The following ALCAM variants were observed in gnomAD, a reference collection of about 807,000 sequenced individuals.
The protein encoded by ALCAM is activated leukocyte cell adhesion molecule, also known as CD166 antigen.
Under a neutral mutation model 70.9 loss-of-function variants are expected in ALCAM, and 30 were observed. That is an observed-to-expected ratio of 0.42 (90% CI 0.32 to 0.57). ALCAM has a LOEUF of 0.57. Among genes scored for constraint, ALCAM ranks in the 20% least tolerant of loss-of-function variants. The pLI is 0.11. For synonymous variants in ALCAM, 249 were observed against 242.5 expected (o/e 1.03, Z -0.25); for missense variants, 591 against 695.1 (o/e 0.85, Z 1.68).
chr3:105,570,338 T>C (rs1040739136), intron 14 of ALCAM, among the ~76,000 whole-genome samples: 2 of 152,152 alleles, frequency 1.3e-5, no homozygotes, highest in African/African-American at 4.8e-5. Context: ...AAAAGAATTA[T>C]ATCTTTCAGT....
At chr3:105,419,387 A>G (rs1486495796) in intron 1 of ALCAM, among the ~76,000 whole-genome samples, 2 of 151,852 alleles carry the variant, frequency 1.3e-5, no homozygotes, top group South Asian at 2.1e-4. Context: ...AGACATAACT[A>G]ATAAAAGTGA....
intron 1 of ALCAM, among the ~76,000 whole-genome samples, chr3:105,394,916 G>T (rs1249728726): frequency 1.3e-5 from 2 of 152,018 alleles, no homozygotes; most frequent in East Asian, 3.9e-4. Flanking sequence ...AGGTTTGGTT[G>T]TATATATTCA....
intron 1 of ALCAM, among the ~76,000 whole-genome samples, chr3:105,440,577 T>TA (rs1456096131): frequency 2.6e-5 from 4 of 152,114 alleles, no homozygotes; most frequent in Non-Finnish European, 5.9e-5. Context: ...ACTTCCTTTT[T>TA]AAAAAAAGCC....
intron 14 of ALCAM, among the ~76,000 whole-genome samples, chr3:105,566,309 A>C (rs906031028): frequency 3.9e-5 from 6 of 152,238 alleles, no homozygotes; most frequent in Non-Finnish European, 7.3e-5. Flanking sequence ...ATATCGAATC[A>C]TTCAATAAAG....
At chr3:105,567,670 T>C (rs929754555) in intron 14 of ALCAM, among the ~76,000 whole-genome samples, 7 of 152,212 alleles carry the variant, frequency 4.6e-5, no homozygotes, top group Non-Finnish European at 8.8e-5. Context: ...TTCCATCTGC[T>C]CTCTCATTGT....
At chr3:105,514,536 C>A (rs887109184) in intron 1 of ALCAM, among the ~76,000 whole-genome samples, 22 of 151,930 alleles carry the variant, frequency 1.4e-4, no homozygotes, top group African/African-American at 5.3e-4. Context: ...TTGTGTAATT[C>A]TTTTCTATGA....
At position 105,366,950 on chromosome 3, in the gene ALCAM, A is replaced by C. The variant is rs1935070488; in HGVS notation, c.-459A>C. 4 of 159,780 alleles carry C rather than the reference A, an allele frequency of 2.5e-5. 1 individual carries two copies. The South Asian group carries it at 5.9e-4, about 23-fold the overall frequency. The allele number at this position is 159,780 out of a possible 1,614,324, so 9.9% of individuals were successfully genotyped here. On this transcript the variant is annotated 5_prime_UTR_variant, in exon 1 of 16. Transcript: ENST00000306107. ...CGCTGCCGCCGCTGCCGCTGCTACC[A>C]CCGCTGCCACCTGAGGAGACCCGCC...
At chr3:105,478,766 TAA>T (rs1938189864) in intron 1 of ALCAM, among the ~76,000 whole-genome samples, 1 of 152,130 alleles carries the variant, frequency 6.6e-6, no homozygotes, top group South Asian at 2.1e-4. Flanking sequence ...TTATAATACT[TAA>T]AGAGATAATA....
intron 1 of ALCAM, among the ~76,000 whole-genome samples, chr3:105,385,767 T>G (rs776219718): frequency 4.6e-5 from 7 of 151,662 alleles, no homozygotes; most frequent in Admixed American, 6.6e-5. Flanking sequence ...GTTTTAGGAA[T>G]TCTGAATTGT....
At position 105,509,063 on chromosome 3, in the gene ALCAM, A is replaced by G. The variant is rs963851187; in HGVS notation, c.74-11004A>G. On this transcript the variant is annotated intron_variant, in intron 1 of 15. Transcript: ENST00000306107. Reference sequence around the variant, plus strand: ...GGCAGGGTCTCCTTTGTTGAGGCTGAGTAATATTTTATTGTGTTTGTATCT... The same window carrying G: ...GGCAGGGTCTCCTTTGTTGAGGCTGGGTAATATTTTATTGTGTTTGTATCT... 2.6e-5 allele frequency among the ~76,000 whole-genome samples: 4 copies of G among 152,072 alleles called. No individual in the cohort carries two copies. In the East Asian group the frequency reaches 7.7e-4, roughly 29 times the overall value.
At chr3:105,432,680 C>G (rs1039783446) in intron 1 of ALCAM, among the ~76,000 whole-genome samples, 6 of 152,054 alleles carry the variant, frequency 3.9e-5, no homozygotes, top group African/African-American at 1.4e-4. Context: ...TCACACATAA[C>G]AAACTCCTTA....
At chr3:105,459,603 T>G (rs879412214) in intron 1 of ALCAM, among the ~76,000 whole-genome samples, 15 of 152,072 alleles carry the variant, frequency 9.9e-5, no homozygotes, top group Admixed American at 2.0e-4. Context: ...TCCCTTCTGA[T>G]TAGATTGTAA....
chr3:105,490,529 A>G (rs1240924355), intron 1 of ALCAM, among the ~76,000 whole-genome samples: 3 of 151,994 alleles, frequency 2.0e-5, no homozygotes, highest in Admixed American at 6.6e-5. Flanking sequence ...AGCACTGTGT[A>G]TGTATGTGTG....
At chr3:105,545,561 A>G (rs1940225887) in intron 9 of ALCAM, among the ~76,000 whole-genome samples, 1 of 151,390 alleles carries the variant, frequency 6.6e-6, no homozygotes, top group Admixed American at 6.6e-5. Flanking sequence ...TTGGGGTGTT[A>G]TGTCAATTAT....
At chr3:105,553,361 T>C (rs553180210) in intron 14 of ALCAM, among the ~76,000 whole-genome samples, 22 of 151,888 alleles carry the variant, frequency 1.4e-4, no homozygotes, top group Non-Finnish European at 2.8e-4. Flanking sequence ...TCTGCACTTT[T>C]AAAAAGTTTC....
chr3:105,524,551 G>A (rs1233636315), intron 3 of ALCAM, 43 bp downstream of exon 3: 1 of 1,610,996 alleles, frequency 6.2e-7, no homozygotes, highest in Admixed American at 1.7e-5. Context: ...GGGATTGATG[G>A]CCAGTACCAG....
At chr3:105,452,128 C>T (rs1937443967) in intron 1 of ALCAM, among the ~76,000 whole-genome samples, 1 of 151,126 alleles carries the variant, frequency 6.6e-6, no homozygotes. Flanking sequence ...AAAAAGGATA[C>T]ATGTGCAGAA....
At chr3:105,450,761 C>T (rs1466563947) in intron 1 of ALCAM, among the ~76,000 whole-genome samples, 1 of 151,982 alleles carries the variant, frequency 6.6e-6, no homozygotes, top group Non-Finnish European at 1.5e-5. Context: ...ACATATAATT[C>T]ACTAAATAAT....
chr3:105,456,505 A>G (rs535427557), intron 1 of ALCAM, among the ~76,000 whole-genome samples: 1 of 152,352 alleles, frequency 6.6e-6, no homozygotes, highest in African/African-American at 2.4e-5. Flanking sequence ...AAAAAAATTC[A>G]TAGTTTGTGT....
Sources: gnomAD v4.1 joint callset for allele counts (sites outside exome capture counted in the v4.1 genomes callset) on GRCh38, gnomAD v4.1.1 for gene constraint, MANE v1.5 for transcripts, NCBI Gene and HGNC (gene_info 2026-07-23, HGNC 2026-07-21) for gene names.